Variants in SATL1 observed in about 807,000 individuals in gnomAD.
SATL1 encodes spermidine/spermine N(1)-acetyltransferase-like protein 1.
Under a neutral mutation model 51.8 loss-of-function variants are expected in SATL1, and 47 were observed. The observed-to-expected ratio is 0.91, with a 90% CI of 0.72 to 1.16. The LOEUF (loss-of-function observed/expected upper bound fraction) is 1.16, where lower values mean the gene tolerates loss of function less well. Among genes scored for constraint, SATL1 ranks in the 50% most tolerant of loss-of-function variants. The probability of loss-of-function intolerance (pLI) is 0.00; values close to 1 mark genes in which losing one functional copy is unlikely to be tolerated. For synonymous variants in SATL1, 176 were observed against 182.4 expected (o/e 0.97, Z 0.28); for missense variants, 520 against 526.4 (o/e 0.99, Z 0.12).
At chrX:85,154,837 A>G (rs1358559928) in intron 2 of SATL1, among the ~76,000 whole-genome samples, 1 of 112,563 alleles carries the variant, frequency 8.9e-6, no homozygotes, top group Non-Finnish European at 1.9e-5. Flanking sequence ...GGGGTAAATA[A>G]CAGTATAGTA....
At chrX:85,208,185 G>A (rs1927828947) in intron 2 of SATL1, among the ~76,000 whole-genome samples, 1 of 110,970 alleles carries the variant, frequency 9.0e-6, no homozygotes, top group Admixed American at 9.6e-5. Flanking sequence ...AGTCTGCTCA[G>A]AATGTTGGTT....
chrX:85,130,854 T>A (rs774260861), intron 2 of SATL1, among the ~76,000 whole-genome samples: 21 of 112,173 alleles, frequency 1.9e-4, no homozygotes, highest in Non-Finnish European at 3.8e-4. Flanking sequence ...ATGTCTTTGT[T>A]CTCATTGGTT....
intron 2 of SATL1, among the ~76,000 whole-genome samples, chrX:85,182,086 C>G (rs1023469286): frequency 9.0e-6 from 1 of 111,161 alleles, no homozygotes; most frequent in Non-Finnish European, 1.9e-5. Context: ...TTTATCATTT[C>G]TTTGTATTGA....
chrX:85,115,694 A>G (rs188786660), intron 2 of SATL1, among the ~76,000 whole-genome samples: 2 of 112,242 alleles, frequency 1.8e-5, no homozygotes, highest in East Asian at 2.8e-4. Context: ...GCACAAGGCC[A>G]TTTCAAAACA....
chrX:85,191,953 TAA>T (rs1412698399), intron 2 of SATL1, among the ~76,000 whole-genome samples: 1 of 112,132 alleles, frequency 8.9e-6, no homozygotes, highest in Non-Finnish European at 1.9e-5. Context: ...TCTGTCTCAG[TAA>T]AAGAGACCAT....
At chrX:85,136,071 T>C (rs901724991) in intron 2 of SATL1, among the ~76,000 whole-genome samples, 12 of 110,451 alleles carry the variant, frequency 1.1e-4, no homozygotes, top group Admixed American at 4.9e-4. Flanking sequence ...CAACTATTAA[T>C]ACATGTGAGG....
chrX:85,148,349 T>G (rs1926318962), intron 2 of SATL1, among the ~76,000 whole-genome samples: 1 of 109,608 alleles, frequency 9.1e-6, no homozygotes, highest in African/African-American at 3.3e-5. Flanking sequence ...GTGGTGTACC[T>G]GAAAGTGACG....
intron 4 of SATL1, among the ~76,000 whole-genome samples, chrX:85,100,779 G>A (rs916295963): frequency 2.7e-5 from 3 of 111,579 alleles, no homozygotes; most frequent in Non-Finnish European, 5.7e-5. Context: ...AATATTGGAG[G>A]ACTCACACTT....
intron 2 of SATL1, among the ~76,000 whole-genome samples, chrX:85,202,634 T>G (rs924463794): frequency 1.8e-5 from 2 of 112,083 alleles, no homozygotes; most frequent in Non-Finnish European, 3.8e-5. Flanking sequence ...CCTTCGCTTA[T>G]TCCTAGAGGC....
At chrX:85,119,520 A>G (rs1431757349) in intron 2 of SATL1, among the ~76,000 whole-genome samples, 2 of 111,555 alleles carry the variant, frequency 1.8e-5, no homozygotes, top group Non-Finnish European at 3.8e-5. Flanking sequence ...ATTGTTTCCC[A>G]TTTTGTGGCA....
intron 2 of SATL1, chrX:85,209,081 G>A (rs1485358698): frequency 2.7e-5 from 3 of 112,077 alleles, no homozygotes; most frequent in Admixed American, 9.4e-5. Flanking sequence ...GTGTAAGGAA[G>A]GGATCCAGTT....
intron 2 of SATL1, among the ~76,000 whole-genome samples, chrX:85,165,067 C>A (rs1236000266): frequency 9.0e-6 from 1 of 110,913 alleles, no homozygotes; most frequent in African/African-American, 3.3e-5. Flanking sequence ...TTGAGCGTCT[C>A]GTGTTTGGAT....
intron 2 of SATL1, among the ~76,000 whole-genome samples, chrX:85,213,815 G>T (rs1308886791): frequency 9.0e-6 from 1 of 111,440 alleles, no homozygotes; most frequent in African/African-American, 3.3e-5. Flanking sequence ...TGAAAAAAAA[G>T]AACTTTCATG....
intron 2 of SATL1, among the ~76,000 whole-genome samples, chrX:85,159,642 T>G (rs1342763877): frequency 1.8e-5 from 2 of 111,816 alleles, no homozygotes; most frequent in Non-Finnish European, 3.8e-5. Context: ...TTACCATGTT[T>G]TTTTTCAAAA....
At chrX:85,104,148 A>G (rs942970616) in intron 3 of SATL1, among the ~76,000 whole-genome samples, 4 of 111,686 alleles carry the variant, frequency 3.6e-5, no homozygotes, top group African/African-American at 1.3e-4. Flanking sequence ...CCTCACACAT[A>G]TGAATGTTAA....
chrX:85,146,846 T>C (rs768371293), intron 2 of SATL1, among the ~76,000 whole-genome samples: 4 of 112,644 alleles, frequency 3.6e-5, no homozygotes, highest in Non-Finnish European at 7.5e-5. Context: ...GCAACCAAGA[T>C]GGCCGAATAG....
At chrX:85,145,845 C>G (rs1417123989) in intron 2 of SATL1, among the ~76,000 whole-genome samples, 1 of 111,118 alleles carries the variant, frequency 9.0e-6, no homozygotes, top group Non-Finnish European at 1.9e-5. Context: ...ATACTACATA[C>G]AGTAAGATAT....
intron 2 of SATL1, among the ~76,000 whole-genome samples, chrX:85,139,226 T>G (rs1029902612): frequency 9.0e-6 from 1 of 111,404 alleles, no homozygotes. Flanking sequence ...GAATCTATAA[T>G]AACAGCTAAT....
At chrX:85,222,685 T>C (rs1180360661) in intron 2 of SATL1, among the ~76,000 whole-genome samples, 1 of 111,519 alleles carries the variant, frequency 9.0e-6, no homozygotes, top group Non-Finnish European at 1.9e-5. Context: ...TGATTTTAAT[T>C]GCTTCCTGCT....
Sources: allele counts gnomAD v4.1 joint callset (sites outside exome capture counted in the v4.1 genomes callset), GRCh38; gene constraint gnomAD v4.1.1; transcripts MANE v1.5; gene names NCBI Gene and HGNC (gene_info 2026-07-23, HGNC 2026-07-21).